The following GABRA4 variants were observed in gnomAD, a reference collection of about 807,000 sequenced individuals.
The protein encoded by GABRA4 is gamma-aminobutyric acid receptor subunit alpha-4.
GABRA4 carries 12 observed loss-of-function variants against 49.7 expected under a neutral mutation model. The ratio of observed to expected loss-of-function variants is 0.24; its 90% CI spans 0.15 to 0.39. The LOEUF is 0.39. GABRA4 is among the 10% of genes least tolerant of loss of function. The probability of loss-of-function intolerance (pLI) is 1.00; values close to 1 mark genes in which losing one functional copy is unlikely to be tolerated. For synonymous variants in GABRA4, 288 were observed against 240.2 expected, an observed-to-expected ratio of 1.20 and a Z score of -1.84; for missense variants, 506 against 686.0, an observed-to-expected ratio of 0.74 and a Z score of 2.93.
intron 6 of GABRA4, among the ~76,000 whole-genome samples, 157 bp from the exon 7 acceptor site, chr4:46,971,392 C>T (rs568412686): frequency 1.1e-4 from 16 of 151,528 alleles, no homozygotes; most frequent in Admixed American, 6.6e-5. Flanking sequence ...AGTTTCCTAA[C>T]GAGGGAGAAA....
intron 8 of GABRA4, among the ~76,000 whole-genome samples, chr4:46,945,768 A>G (rs1346299899): frequency 2.6e-5 from 4 of 152,150 alleles, no homozygotes; most frequent in Non-Finnish European, 4.4e-5. Context: ...CTTCTGAGCT[A>G]AAAGAACACC....
intron 8 of GABRA4, among the ~76,000 whole-genome samples, chr4:46,955,318 A>G (rs541625397): frequency 1.7e-3 from 265 of 152,174 alleles, no homozygotes; most frequent in African/African-American, 6.0e-3. Context: ...CCTTTTATGG[A>G]AAAGGAAAGA....
intron 2 of GABRA4, among the ~76,000 whole-genome samples, chr4:46,986,996 C>T (rs866817178): frequency 6.6e-6 from 1 of 152,142 alleles, no homozygotes; most frequent in African/African-American, 2.4e-5. Context: ...TTATGGAAAA[C>T]CTTGCTGCAT....
chr4:46,993,408 T>C lies in GABRA4; in HGVS notation c.17A>G (p.Lys6Arg). 2.5e-6 allele frequency: 4 copies of C among 1,614,202 alleles called. No individual in the cohort carries two copies. The highest frequency in any genetic ancestry group is 2.2e-5 in the South Asian group (2 of 91,092). Residue 6 changes from lysine to arginine, a missense_variant, in exon 1 of 9, where the codon AAG becomes AGG. Around this residue, in one of 5 missense-constraint regions of GABRA4, gnomAD observed 195 missense variants for 326.0 expected, o/e 0.60. Coordinates refer to ENST00000264318, the MANE Select transcript of GABRA4 (RefSeq NM_000809.4). MVSAK[K>R]VPAIALSAGV... ...GGCGGACAGAGCGATCGCGGGTACC[T>C]TCTTGGCAGAAACCATCTTTGCAAC... is the stretch of plus-strand genomic sequence containing the variant.
chr4:46,933,899 T>C (rs1238654671), intron 8 of GABRA4, among the ~76,000 whole-genome samples: 4 of 152,320 alleles, frequency 2.6e-5, no homozygotes, highest in South Asian at 4.1e-4. Context: ...AGGTGGTAGA[T>C]TTAAACATTA....
In GABRA4 at chr4:46,922,294, G is replaced by GA. The variant is rs1721065167; in HGVS notation, c.*5930dup. 6.6e-6 allele frequency: 1 copy of GA among 152,064 alleles called. No individual in the cohort carries two copies. The highest frequency in any genetic ancestry group is 6.6e-5 in the Admixed American group (1 of 15,256). 9.4% of individuals were successfully genotyped at this position (152,064 alleles called of 1,614,324 possible). A position where few individuals can be genotyped will look rare whatever the true frequency, so the allele number is the denominator to read the frequency against. ...ATAAAAATATGGTGCCTGGGCAGAA[G>GA]AAAAAACACATAAAACGGTTTTGGG... On this transcript the variant is annotated 3_prime_UTR_variant, in exon 9 of 9. Transcript: ENST00000264318.
At chr4:46,977,899 A>G (rs1048673053) in intron 3 of GABRA4, among the ~76,000 whole-genome samples, 2 of 152,098 alleles carry the variant, frequency 1.3e-5, no homozygotes, top group Non-Finnish European at 2.9e-5. Flanking sequence ...TAAATTTGCT[A>G]TAATTTAAGA....
intron 8 of GABRA4, among the ~76,000 whole-genome samples, chr4:46,947,471 C>T (rs1405302211): frequency 6.6e-6 from 1 of 151,270 alleles, no homozygotes; most frequent in Admixed American, 6.6e-5. Flanking sequence ...AAATGGCCTA[C>T]CACAAAAGCA....
At chr4:46,993,298 C>A in intron 1 of GABRA4, 41 bp downstream of exon 1, 5 of 1,559,126 alleles carry the variant, frequency 3.2e-6, no homozygotes, top group Non-Finnish European at 4.4e-6. Flanking sequence ...GCCATTTCTC[C>A]ACTTTCCGTT....
chr4:46,967,772 T>C (rs1450352987), intron 7 of GABRA4, among the ~76,000 whole-genome samples: 1 of 151,664 alleles, frequency 6.6e-6, no homozygotes, highest in Non-Finnish European at 1.5e-5. Context: ...GCATTTAGCA[T>C]GCTGAATATG....
Position 46,924,358 on chromosome 4 carries a change from G to C in GABRA4, c.*3867C>G, listed in dbSNP as rs1721135806. ...TGTCCCCATATATATTTGTGCCTGA[G>C]ATGAGTATCACTCTAGTTTTGGCCC... On this transcript the variant is annotated 3_prime_UTR_variant, in exon 9 of 9. Transcript: ENST00000264318. The C allele has an allele frequency of 6.6e-6, 1 of 152,052 alleles. No individual in the cohort carries two copies. The highest frequency in any genetic ancestry group is 1.5e-5 in the Non-Finnish European group (1 of 67,982). The allele number at this position is 152,052 out of a possible 1,614,324, so 9.4% of individuals were successfully genotyped here.
At chr4:46,986,920 T>C (rs1214369901) in intron 2 of GABRA4, among the ~76,000 whole-genome samples, 2 of 152,140 alleles carry the variant, frequency 1.3e-5, no homozygotes, top group African/African-American at 4.8e-5. Flanking sequence ...CAACCATTTC[T>C]TATAAATTTA....
intron 8 of GABRA4, 29 bp from the exon 9 acceptor site, chr4:46,928,784 G>A (rs1560460492): frequency 2.0e-6 from 3 of 1,465,200 alleles, no homozygotes; most frequent in Non-Finnish European, 2.8e-6. Flanking sequence ...AAATATATTG[G>A]TTATGTAACT....
At chr4:46,964,324 G>T (rs1253929146) in intron 8 of GABRA4, among the ~76,000 whole-genome samples, 1 of 151,724 alleles carries the variant, frequency 6.6e-6, no homozygotes, top group Non-Finnish European at 1.5e-5. Flanking sequence ...CAAAGTAATA[G>T]AATGAATAAG....
intron 2 of GABRA4, among the ~76,000 whole-genome samples, chr4:46,983,069 T>C (rs1441963415): frequency 1.3e-5 from 2 of 152,106 alleles, no homozygotes; most frequent in African/African-American, 4.8e-5. Context: ...GGCGCTATCC[T>C]CATGAGAATG....
At chr4:46,977,986 TATC>T (rs754213513) in intron 3 of GABRA4, among the ~76,000 whole-genome samples, 48 of 152,164 alleles carry the variant, frequency 3.2e-4, no homozygotes, top group Non-Finnish European at 4.0e-4. Flanking sequence ...GTGTAAAAAA[TATC>T]ATGCACAATT....
rs1225582285 is a variant in GABRA4, at chr4:46,919,223, T to TA, written c.*9001dup. On this transcript the variant is annotated 3_prime_UTR_variant, in exon 9 of 9. Transcript: ENST00000264318. The stretch of plus-strand genomic sequence containing the variant: ...GACATTTACTTAAAGGGACAGTGTT[T>TA]AAAAAATCATTTCCTGATGAATTAC... 1 of 151,578 alleles carries TA rather than the reference T, an allele frequency of 6.6e-6. No homozygotes were observed. The highest frequency in any genetic ancestry group is 1.5e-5 in the Non-Finnish European group (1 of 67,562). 9.4% of individuals were successfully genotyped at this position (151,578 alleles called of 1,614,324 possible). A position where few individuals can be genotyped will look rare whatever the true frequency, so the allele number is the denominator to read the frequency against.
intron 8 of GABRA4, among the ~76,000 whole-genome samples, chr4:46,945,070 A>T (rs368571251): frequency 3.9e-5 from 6 of 152,168 alleles, no homozygotes; most frequent in African/African-American, 1.4e-4. Flanking sequence ...TTTAGGAAGT[A>T]AGTAGTTGGC....
At chr4:46,993,061 G>A (rs1723827591) in intron 1 of GABRA4, 115 bp from the exon 2 acceptor site, 1 of 833,610 alleles carries the variant, frequency 1.2e-6, no homozygotes, top group East Asian at 2.5e-5. Context: ...CCAAGCTAAA[G>A]GAGAGGAGGT....
Sources: allele counts gnomAD v4.1 joint callset (sites outside exome capture counted in the v4.1 genomes callset), GRCh38; gene constraint gnomAD v4.1.1; regional missense constraint gnomAD v4.1.1; transcripts MANE v1.5; gene names NCBI Gene and HGNC (gene_info 2026-07-23, HGNC 2026-07-21).